Variants in PAX2 observed in about 807,000 individuals in gnomAD.
PAX2 encodes the protein paired box 2, also known as paired box protein Pax-2.
Under a neutral mutation model 41.7 loss-of-function variants are expected in PAX2, and 9 were observed. The observed-to-expected ratio is 0.22, with a 90% CI of 0.13 to 0.38. PAX2 has a LOEUF of 0.38. Ranked by LOEUF, PAX2 falls within the 10% of genes least tolerant of loss-of-function variation. PAX2 has a pLI of 1.00. For synonymous variants in PAX2, 221 were observed against 212.7 expected, an observed-to-expected ratio of 1.04 and a Z score of -0.34; for missense variants, 418 against 531.6, an observed-to-expected ratio of 0.79 and a Z score of 2.10.
rs897939803 is a variant in PAX2, at chr10:100,791,576, C to A, written c.616+10211C>A. On this transcript the variant is annotated intron_variant, in intron 5 of 9. Transcript: ENST00000355243. The surrounding 1 kb of genome is among the most constrained non-coding windows in gnomAD (Gnocchi z 4.5). ...CAACAGCCTCCCAGAGCCTGCCAAA[C>A]AGCTCCTGAAGCAGAAAGTGTGAGC... 6.6e-6 allele frequency among the ~76,000 whole-genome samples: 1 copy of A among 152,298 alleles called. No individual in the cohort carries two copies. The highest frequency in any genetic ancestry group is 1.9e-4 in the East Asian group (1 of 5,182).
chr10:100,756,097 T>C lies in PAX2; in HGVS notation c.410+5206T>C, dbSNP rs561967258. ...GAGTGTGACTATGCATGATGGCATG[T>C]GCTTGCGGACTAGAATGTTACAGCT... On this transcript the variant is annotated intron_variant, in intron 3 of 9. Transcript: ENST00000355243. Among the ~76,000 whole-genome samples the C allele has an allele frequency of 3.9e-5, 6 of 152,288 alleles. No homozygotes were observed. In the East Asian group the frequency reaches 9.6e-4, roughly 24 times the overall value.
At chr10:100,787,132 C>T (rs1189757497) in intron 5 of PAX2, 1 of 450,210 alleles carries the variant, frequency 2.2e-6, no homozygotes, top group South Asian at 1.9e-5. Flanking sequence ...GGAGTTGGCT[C>T]AGGCTTCCAC....
In PAX2 at chr10:100,824,686, C is replaced by A; in HGVS notation, c.958C>A (p.Pro320Thr). The change falls in exon 8 of 10, where the codon CCT becomes ACT. Residue 320 changes from proline to threonine, a missense_variant. By Grantham distance (38) the Pro-to-Thr change is conservative. Coordinates refer to ENST00000355243, the MANE Select transcript of PAX2 (RefSeq NM_000278.5). The surrounding 1 kb of genome is among the most constrained non-coding windows in gnomAD (Gnocchi z 6.6). ...MASTTLPGYP[P>T]HVPPTGQGSY... Reference sequence around the variant, plus strand: ...GAGCACCACTCTGCCTGGTTACCCCCCTCACGTGCCCCCCACTGGCCAGGG... The same window carrying A: ...GAGCACCACTCTGCCTGGTTACCCCACTCACGTGCCCCCCACTGGCCAGGG... 6.2e-7 allele frequency: 1 copy of A among 1,610,948 alleles called. No individual in the cohort carries two copies. Among genetic ancestry groups the A allele is most frequent in the Non-Finnish European group, 8.5e-7 (1 of 1,177,116 alleles).
Position 100,745,874 on chromosome 10 carries a change from C to T in PAX2, c.-387C>T. On this transcript the variant is annotated 5_prime_UTR_variant, in exon 1 of 10. Transcript: ENST00000355243. ...CGCCCCGCGCGCTCTCCGACCACCG[C>T]CTCTCGGATGACCAGGTTCCAGGGG... The T allele has an allele frequency of 4.5e-6, 5 of 1,112,096 alleles. No homozygotes were observed. Among genetic ancestry groups the T allele is most frequent in the Non-Finnish European group, 5.5e-6 (5 of 911,648 alleles). 68.9% of individuals were successfully genotyped at this position (1,112,096 alleles called of 1,614,324 possible).
chr10:100,798,005 C>T (rs2133932499), intron 5 of PAX2, among the ~76,000 whole-genome samples: 1 of 151,830 alleles, frequency 6.6e-6, no homozygotes, highest in Middle Eastern at 3.4e-3. Flanking sequence ...TGGTCAAGTA[C>T]AGCAGGTAGT....
intron 5 of PAX2, among the ~76,000 whole-genome samples, chr10:100,790,596 A>G (rs538357824): frequency 1.3e-5 from 2 of 152,070 alleles, no homozygotes; most frequent in Non-Finnish European, 2.9e-5. Context: ...TCCTGAGTTC[A>G]CCTCCCTGGG....
In PAX2 at chr10:100,749,825, C is replaced by G. The variant is rs771654993; in HGVS notation, c.123C>G (p.Ile41Met). Residue 41 changes from isoleucine to methionine, a missense_variant, in exon 2 of 10, where the codon ATC (isoleucine) becomes ATG (methionine). By Grantham distance (10) the Ile-to-Met change is conservative (BLOSUM62 1). This residue lies in a region of PAX2 where 108 missense variants were observed against 206.3 expected (regional missense o/e 0.52). Transcript: ENST00000355243. ...TACCCGACGTGGTGAGGCAGCGCAT[C>G]GTGGAGCTGGCCCACCAGGGTGTGC... ...RPLPDVVRQR[I>M]VELAHQGVRP... The G allele has an allele frequency of 6.2e-7, 1 of 1,611,732 alleles. No individual in the cohort carries two copies. The highest frequency in any genetic ancestry group is 1.1e-5 in the South Asian group (1 of 90,834).
intron 7 of PAX2, among the ~76,000 whole-genome samples, chr10:100,812,847 C>T (rs1197374635): frequency 6.6e-6 from 1 of 152,116 alleles, no homozygotes; most frequent in Non-Finnish European, 1.5e-5. Context: ...GCAAGTCCAC[C>T]CCGAAGGAGA....
intron 7 of PAX2, among the ~76,000 whole-genome samples, chr10:100,811,582 C>G (rs953659516): frequency 6.6e-6 from 1 of 152,236 alleles, no homozygotes; most frequent in Non-Finnish European, 1.5e-5. Context: ...GAGAACTGGG[C>G]TCCAGGCAGA....
chr10:100,749,456 C>T (rs1845349121), intron 1 of PAX2: 13 of 1,267,056 alleles, frequency 1.0e-5, no homozygotes, highest in Non-Finnish European at 1.3e-5. Flanking sequence ...TCTCCCCTCT[C>T]CCCTCTTTTC....
At chr10:100,735,819 C>G in intron 1 of PAX2, 1 of 870,870 alleles carries the variant, frequency 1.1e-6, no homozygotes, top group Non-Finnish European at 1.4e-6. Context: ...GGGCTCCTCT[C>G]CTCTTTCATC....
intron 7 of PAX2, 34 bp downstream of exon 7, chr10:100,809,270 G>A (rs1281609803): frequency 1.1e-5 from 17 of 1,603,218 alleles, no homozygotes; most frequent in South Asian, 6.6e-5. Flanking sequence ...GGGGCACTGC[G>A]TTCAGTGGAG....
intron 3 of PAX2, among the ~76,000 whole-genome samples, chr10:100,779,170 C>A (rs1036484776): frequency 6.6e-6 from 1 of 152,228 alleles, no homozygotes; most frequent in African/African-American, 2.4e-5. Context: ...GGGCAGTCCT[C>A]ACCCTGCAGA....
intron 3 of PAX2, among the ~76,000 whole-genome samples, chr10:100,766,706 G>A (rs1043341985): frequency 6.6e-6 from 1 of 152,150 alleles, no homozygotes; most frequent in Non-Finnish European, 1.5e-5. Flanking sequence ...TCTTCCTTCT[G>A]AAAAGCAGCA....
rs1197597634 is a variant in PAX2 at position 100,748,834 on chromosome 10, G to A, written c.44-912G>A. On this transcript the variant is annotated intron_variant, in intron 1 of 9. Coordinates refer to ENST00000355243, the MANE Select transcript of PAX2 (RefSeq NM_000278.5). The surrounding 1 kb of genome is among the most constrained non-coding windows in gnomAD (Gnocchi z 5.0). The stretch of plus-strand genomic sequence containing the variant: ...GTCAAAGGGACTCGAGTCGGGTTTG[G>A]GTCGGCTACACAGGGCGCCCCGAGA... 3.0e-6 allele frequency: 3 copies of A among 985,154 alleles called. No homozygotes were observed. Among genetic ancestry groups the A allele is most frequent in the Admixed American group, 6.1e-5 (1 of 16,272 alleles). 61.0% of individuals were successfully genotyped at this position (985,154 alleles called of 1,614,324 possible). A position where few individuals can be genotyped will look rare whatever the true frequency, so the allele number is the denominator to read the frequency against.
chr10:100,785,852 G>A (rs1167163584), intron 5 of PAX2, among the ~76,000 whole-genome samples: 1 of 152,180 alleles, frequency 6.6e-6, no homozygotes, highest in East Asian at 1.9e-4. Flanking sequence ...TCTGGAGTGA[G>A]CACAGCAGGG....
chr10:100,749,078 A>C (rs1373223969), intron 1 of PAX2: 2 of 985,386 alleles, frequency 2.0e-6, no homozygotes, highest in Non-Finnish European at 2.4e-6. Flanking sequence ...AGGAGGTGAA[A>C]GAGAGATACG....
chr10:100,812,070 G>A (rs1410999903), intron 7 of PAX2, among the ~76,000 whole-genome samples: 1 of 152,188 alleles, frequency 6.6e-6, no homozygotes, highest in African/African-American at 2.4e-5. Context: ...GGAGAGTGGG[G>A]CCCAGTGGGC....
At chr10:100,753,304 TG>T (rs1408375353) in intron 3 of PAX2, among the ~76,000 whole-genome samples, 2 of 152,228 alleles carry the variant, frequency 1.3e-5, no homozygotes, top group Admixed American at 6.5e-5. Flanking sequence ...GCTGCTGAGT[TG>T]GGGCTGGAGA....
Sources: allele counts gnomAD v4.1 joint callset (sites outside exome capture counted in the v4.1 genomes callset), GRCh38; gene constraint gnomAD v4.1.1; regional missense constraint gnomAD v4.1.1; non-coding constraint Gnocchi (gnomAD v3.1); transcripts MANE v1.5; gene names NCBI Gene and HGNC (gene_info 2026-07-23, HGNC 2026-07-21).